The following CSMD1 variants were observed in gnomAD, a reference collection of about 807,000 sequenced individuals.
CSMD1 encodes the protein CUB and Sushi multiple domains 1, also known as CUB and sushi domain-containing protein 1.
Under a neutral mutation model 417.5 loss-of-function variants are expected in CSMD1, and 213 were observed. The ratio of observed to expected loss-of-function variants is 0.51; its 90% confidence interval spans 0.46 to 0.57. CSMD1 has a LOEUF of 0.57. Among genes scored for constraint, CSMD1 ranks in the 20% least tolerant of loss-of-function variants. CSMD1 has a pLI of 0.00. For missense variants in CSMD1, 6,923 were observed against 4,529.7 expected, an observed-to-expected ratio of 1.53 and a Z score of -15.17; for synonymous variants, 2,862 against 1,736.8, an observed-to-expected ratio of 1.65 and a Z score of -16.11.
At chr8:4,462,924 G>A (rs533011799) in intron 2 of CSMD1, among the ~76,000 whole-genome samples, 1 of 152,060 alleles carries the variant, frequency 6.6e-6, no homozygotes. Flanking sequence ...TCTTAGATAT[G>A]ACATCAAAAG....
chr8:4,202,492 C>T (rs866031787), intron 3 of CSMD1, among the ~76,000 whole-genome samples: 3 of 152,276 alleles, frequency 2.0e-5, no homozygotes, highest in African/African-American at 2.4e-5. Flanking sequence ...ACTAGGTCTT[C>T]AATAACAAAT....
chr8:3,349,506 A>T (rs1487798083), intron 21 of CSMD1, among the ~76,000 whole-genome samples: 1 of 151,942 alleles, frequency 6.6e-6, no homozygotes, highest in East Asian at 1.9e-4. Flanking sequence ...CCTTAAATAA[A>T]GACAGAAAAG....
intron 5 of CSMD1, among the ~76,000 whole-genome samples, chr8:3,847,708 T>C (rs979971126): frequency 1.5e-4 from 23 of 152,130 alleles, no homozygotes; most frequent in African/African-American, 5.3e-4. Context: ...TAATACAGAA[T>C]GCTTCCTTAT....
intron 49 of CSMD1, among the ~76,000 whole-genome samples, chr8:3,060,220 A>G (rs535186422): frequency 6.9e-6 from 1 of 145,714 alleles, no homozygotes; most frequent in African/African-American, 2.6e-5. Context: ...ATCTCAGCTC[A>G]CTCTAACCTC....
intron 3 of CSMD1, among the ~76,000 whole-genome samples, chr8:4,213,181 G>T (rs941788558): frequency 1.3e-5 from 2 of 152,144 alleles, no homozygotes; most frequent in Non-Finnish European, 2.9e-5. Context: ...GAGAGACATA[G>T]TTGAGAATGT....
chr8:3,468,607 A>G (rs528666699), intron 12 of CSMD1, 105 bp downstream of exon 12: 44 of 632,724 alleles, frequency 7.0e-5, no homozygotes, highest in East Asian at 6.7e-4. Flanking sequence ...ATTTATCAGC[A>G]TTGTTTGACT....
intron 10 of CSMD1, among the ~76,000 whole-genome samples, chr8:3,553,738 G>C (rs1347253711): frequency 6.6e-6 from 1 of 152,144 alleles, no homozygotes; most frequent in East Asian, 1.9e-4. Flanking sequence ...ATGTGAAGTA[G>C]ACATATAAAT....
At chr8:3,937,134 G>C (rs11990092) in intron 5 of CSMD1, among the ~76,000 whole-genome samples, 52,608 of 152,056 alleles carry the variant, frequency 0.35, 9,444 homozygotes, top group African/African-American at 0.46. Context: ...GCTTCTTATG[G>C]ATGAGCAAAG....
intron 54 of CSMD1, among the ~76,000 whole-genome samples, chr8:2,986,540 G>A (rs1446361516): frequency 6.6e-6 from 1 of 151,712 alleles, no homozygotes; most frequent in African/African-American, 2.4e-5. Flanking sequence ...TCTCACTCTG[G>A]CTCACCCAGG....
intron 1 of CSMD1, among the ~76,000 whole-genome samples, chr8:4,876,507 A>T (rs1223823916): frequency 2.0e-5 from 3 of 152,148 alleles, no homozygotes; most frequent in African/African-American, 7.2e-5. Context: ...TTTTAACAAG[A>T]CTATGTGTAA....
chr8:4,492,598 AT>A (rs1801761822), intron 2 of CSMD1, among the ~76,000 whole-genome samples: 1 of 152,220 alleles, frequency 6.6e-6, no homozygotes, highest in Non-Finnish European at 1.5e-5. Flanking sequence ...GGGATTAAAT[AT>A]TTTGGTTTAA....
chr8:4,718,009 G>A lies in CSMD1; in HGVS notation c.86-80451C>T, dbSNP rs867180757. Among the ~76,000 whole-genome samples the A allele has an allele frequency of 8.5e-5, 13 of 152,246 alleles. No individual in the cohort carries two copies. In the South Asian group the frequency reaches 1.7e-3, roughly 19 times the overall value. On this transcript the variant is annotated intron_variant, in intron 1 of 69. Coordinates refer to ENST00000635120, the MANE Select transcript of CSMD1 (RefSeq NM_033225.6). ...ATTATTTGTTTTGAGACTGGGTCTT[G>A]CTCTGTACCCCAGGCTGGAGGGCAG...
intron 4 of CSMD1, among the ~76,000 whole-genome samples, chr8:4,017,137 A>T (rs979029132): frequency 2.0e-5 from 3 of 152,232 alleles, no homozygotes; most frequent in African/African-American, 7.2e-5. Context: ...ATGCAATTGT[A>T]CATATCTACC....
chr8:3,978,277 C>A (rs1233899049), intron 5 of CSMD1, among the ~76,000 whole-genome samples: 1 of 152,178 alleles, frequency 6.6e-6, no homozygotes, highest in African/African-American at 2.4e-5. Flanking sequence ...GAGCCTCAGT[C>A]ACCCCTGTAA....
intron 3 of CSMD1, among the ~76,000 whole-genome samples, chr8:4,035,091 A>C (rs1797546230): frequency 6.6e-6 from 1 of 152,188 alleles, no homozygotes; most frequent in African/African-American, 2.4e-5. Context: ...TTCTACAGTA[A>C]TATATAGTTG....
intron 25 of CSMD1, among the ~76,000 whole-genome samples, chr8:3,300,124 C>A (rs527244353): frequency 6.6e-6 from 1 of 151,962 alleles, no homozygotes; most frequent in South Asian, 2.1e-4. Context: ...GAATACTATC[C>A]GGTAACTAAA....
At chr8:3,298,422 G>A (rs1425844718) in intron 25 of CSMD1, among the ~76,000 whole-genome samples, 2 of 152,002 alleles carry the variant, frequency 1.3e-5, no homozygotes, top group Non-Finnish European at 2.9e-5. Flanking sequence ...TTGAGGAAAT[G>A]AAGTGAGACA....
At chr8:4,816,348 G>A (rs1799208526) in intron 1 of CSMD1, among the ~76,000 whole-genome samples, 1 of 151,722 alleles carries the variant, frequency 6.6e-6, no homozygotes, top group African/African-American at 2.4e-5. Flanking sequence ...CCACACCTGG[G>A]TAATTTTTGA....
At chr8:3,490,493 C>CCT (rs1818309924) in intron 11 of CSMD1, among the ~76,000 whole-genome samples, 2 of 152,064 alleles carry the variant, frequency 1.3e-5, no homozygotes, top group African/African-American at 4.8e-5. Context: ...TTAGTGACAT[C>CCT]CTCTCTTAAA....
Sources: allele counts gnomAD v4.1 joint callset (sites outside exome capture counted in the v4.1 genomes callset), GRCh38; gene constraint gnomAD v4.1.1; transcripts MANE v1.5; gene names NCBI Gene and HGNC (gene_info 2026-07-23, HGNC 2026-07-21).